Variants in NGEF observed in about 807,000 individuals in gnomAD.
The protein encoded by NGEF is neuronal guanine nucleotide exchange factor, also known as ephexin-1.
In NGEF, 31 loss-of-function variants were observed where a neutral mutation model predicts 80.9. The ratio of observed to expected loss-of-function variants is 0.38; its 90% confidence interval spans 0.29 to 0.52. NGEF has a LOEUF of 0.52. Ranked by LOEUF, NGEF falls within the 20% of genes least tolerant of loss-of-function variation. The probability of loss-of-function intolerance (pLI) is 0.84; values close to 1 mark genes in which losing one functional copy is unlikely to be tolerated. For synonymous variants in NGEF, 371 were observed against 370.2 expected (o/e 1.00, Z -0.03); for missense variants, 709 against 926.2 (o/e 0.77, Z 3.04).
At chr2:232,907,104 T>C (rs900075105) in intron 5 of NGEF, among the ~76,000 whole-genome samples, 17 of 148,192 alleles carry the variant, frequency 1.1e-4, no homozygotes, top group African/African-American at 4.0e-4. Flanking sequence ...CCTCCACTAT[T>C]GTCCTATGAC....
intron 4 of NGEF, 64 bp downstream of exon 4, chr2:232,926,980 C>G: frequency 1.2e-6 from 2 of 1,603,316 alleles, no homozygotes; most frequent in Admixed American, 3.3e-5. Flanking sequence ...AGCAGGAGGA[C>G]CCTCAGAGTC....
At chr2:232,969,514 T>C (rs1694142859) in intron 3 of NGEF, among the ~76,000 whole-genome samples, 1 of 124,722 alleles carries the variant, frequency 8.0e-6, no homozygotes, top group Non-Finnish European at 1.6e-5. Flanking sequence ...CCTCCCCTGC[T>C]TCCTTCATTT....
chr2:232,902,409 T>C (rs1249784162), intron 5 of NGEF, among the ~76,000 whole-genome samples: 1 of 152,048 alleles, frequency 6.6e-6, no homozygotes, highest in African/African-American at 2.4e-5. Flanking sequence ...GTGAGCAGCG[T>C]GGGGAGTGGG....
chr2:232,921,833 G>A (rs535846516), intron 4 of NGEF, among the ~76,000 whole-genome samples: 5 of 152,254 alleles, frequency 3.3e-5, no homozygotes, highest in African/African-American at 1.2e-4. Context: ...CAGCTCCTTG[G>A]GAGAGCCAGG....
chr2:232,905,495 G>A (rs527725426), intron 5 of NGEF: 231 of 276,852 alleles, frequency 8.3e-4, no homozygotes, highest in African/African-American at 4.9e-3. Context: ...CCCAAAGTGC[G>A]GAGATTGCAG....
intron 3 of NGEF, among the ~76,000 whole-genome samples, chr2:232,938,018 G>C (rs536635223): frequency 1.3e-5 from 2 of 152,126 alleles, no homozygotes; most frequent in Non-Finnish European, 2.9e-5. Flanking sequence ...TAGGGAAAAG[G>C]CCAGAGGGAT....
chr2:232,957,456 G>A (rs907528535), intron 3 of NGEF, among the ~76,000 whole-genome samples: 1 of 152,106 alleles, frequency 6.6e-6, no homozygotes, highest in East Asian at 1.9e-4. Flanking sequence ...CCAAGTAGCT[G>A]GGATTACAGG....
intron 5 of NGEF, among the ~76,000 whole-genome samples, chr2:232,902,043 C>T (rs1053829708): frequency 1.3e-5 from 2 of 152,214 alleles, no homozygotes; most frequent in African/African-American, 4.8e-5. Context: ...CAGCTGGGGC[C>T]AGAGCCAGAG....
intron 3 of NGEF, among the ~76,000 whole-genome samples, chr2:232,929,121 C>T (rs1011448318): frequency 5.3e-5 from 8 of 152,246 alleles, no homozygotes; most frequent in Non-Finnish European, 1.0e-4. Context: ...CCTGCGCCTG[C>T]AGCCGGGCCT....
intron 5 of NGEF, among the ~76,000 whole-genome samples, chr2:232,900,420 ACTTACATGCT>A (rs1692290859): frequency 3.0e-5 from 2 of 67,000 alleles, no homozygotes; most frequent in Admixed American, 1.8e-4. Flanking sequence ...ACTCACATTC[ACTTACATGCT>A]CTCACAGTCA....
At chr2:232,930,917 C>T (rs911531808) in intron 3 of NGEF, among the ~76,000 whole-genome samples, 16 of 152,200 alleles carry the variant, frequency 1.1e-4, no homozygotes, top group Non-Finnish European at 1.6e-4. Context: ...GTCTGAAGTC[C>T]GAAGTCTCAT....
At chr2:232,897,136 G>C (rs1692123509) in intron 5 of NGEF, among the ~76,000 whole-genome samples, 1 of 145,908 alleles carries the variant, frequency 6.9e-6, no homozygotes, top group Admixed American at 6.8e-5. Flanking sequence ...GTAGGGGGTG[G>C]AGGTGGGGGT....
intron 1 of NGEF, among the ~76,000 whole-genome samples, chr2:233,001,591 G>A (rs774850924): frequency 1.8e-4 from 27 of 152,212 alleles, no homozygotes; most frequent in Non-Finnish European, 2.9e-4. Flanking sequence ...TGATGAGGTC[G>A]TGCGGGCCAT....
intron 3 of NGEF, among the ~76,000 whole-genome samples, chr2:232,938,454 A>T (rs1434009809): frequency 3.9e-5 from 6 of 152,194 alleles, no homozygotes. Flanking sequence ...AATGAGGGAC[A>T]TCCTGAGATA....
chr2:233,007,008 C>T (rs935093108), intron 1 of NGEF, among the ~76,000 whole-genome samples: 1 of 152,156 alleles, frequency 6.6e-6, no homozygotes, highest in Admixed American at 6.5e-5. Flanking sequence ...CCTTTGGGGC[C>T]TGAGGCGGGC....
At chr2:233,000,491 C>T (rs1371864543) in intron 1 of NGEF, among the ~76,000 whole-genome samples, 11 of 152,036 alleles carry the variant, frequency 7.2e-5, no homozygotes, top group Non-Finnish European at 1.5e-4. Context: ...GTGGCTCACG[C>T]CTGTAATGCC....
At chr2:232,928,724 C>G (rs1693151840) in intron 3 of NGEF, among the ~76,000 whole-genome samples, 1 of 152,300 alleles carries the variant, frequency 6.6e-6, no homozygotes, top group East Asian at 1.9e-4. Context: ...GGTCGCAGGA[C>G]GAGCCACGCT....
intron 3 of NGEF, among the ~76,000 whole-genome samples, chr2:232,965,050 A>G (rs979329063): frequency 1.7e-4 from 26 of 152,246 alleles, no homozygotes; most frequent in African/African-American, 5.1e-4. Flanking sequence ...TCAATAAAGC[A>G]TTATTTAAAT....
At chr2:232,914,095 AG>A (rs1692743666) in intron 5 of NGEF, among the ~76,000 whole-genome samples, 1 of 152,176 alleles carries the variant, frequency 6.6e-6, no homozygotes, top group Admixed American at 6.5e-5. Flanking sequence ...TTGTAAATAA[AG>A]TTTTACTGGA....
Sources: allele counts gnomAD v4.1 joint callset (sites outside exome capture counted in the v4.1 genomes callset), GRCh38; gene constraint gnomAD v4.1.1; transcripts MANE v1.5; gene names NCBI Gene and HGNC (gene_info 2026-07-23, HGNC 2026-07-21).